The following DLC1 variants were observed in gnomAD, a reference collection of about 807,000 sequenced individuals.
DLC1 encodes the protein rho GTPase-activating protein 7.
A neutral mutation model predicts 140.3 loss-of-function variants in DLC1; 54 were observed. The ratio of observed to expected loss-of-function variants is 0.38; its 90% CI spans 0.31 to 0.48. The LOEUF (loss-of-function observed/expected upper bound fraction) is 0.48. DLC1 is among the 20% of genes least tolerant of loss of function. DLC1 has a pLI of 0.96. For synonymous variants in DLC1, 986 were observed against 728.1 expected, an observed-to-expected ratio of 1.35 and a Z score of -5.70; for missense variants, 2,536 against 1,907.0, an observed-to-expected ratio of 1.33 and a Z score of -6.14.
chr8:13,580,852 C>T (rs1265100521), intron 1 of DLC1, among the ~76,000 whole-genome samples: 1 of 152,098 alleles, frequency 6.6e-6, no homozygotes, highest in Non-Finnish European at 1.5e-5. Context: ...AGCGGGACAG[C>T]CTCTAAAAAT....
chr8:13,466,451 G>T (rs975573354), intron 2 of DLC1, among the ~76,000 whole-genome samples: 8 of 152,270 alleles, frequency 5.3e-5, no homozygotes, highest in African/African-American at 1.9e-4. Context: ...CTACAGAGTC[G>T]CTATCTTGGT....
chr8:13,224,634 G>T (rs1296580088), intron 5 of DLC1, among the ~76,000 whole-genome samples: 1 of 152,206 alleles, frequency 6.6e-6, no homozygotes, highest in Non-Finnish European at 1.5e-5. Flanking sequence ...GGAAGGTTCT[G>T]CTTTGTTTTT....
chr8:13,541,340 T>A (rs1180917740), intron 1 of DLC1, among the ~76,000 whole-genome samples: 1 of 151,486 alleles, frequency 6.6e-6, no homozygotes, highest in African/African-American at 2.5e-5. Flanking sequence ...CCAGGTTATA[T>A]GATAAGTGCA....
chr8:13,603,802 C>T lies in DLC1; in HGVS notation c.-126+735G>A, dbSNP rs549809116. Among the ~76,000 whole-genome samples the T allele has an allele frequency of 1.9e-4, 29 of 152,142 alleles. No homozygotes were observed. In the South Asian group the frequency reaches 6.0e-3, roughly 32 times the overall value. Reference sequence around the variant, plus strand: ...ATGGTATCTGTTCATTCAATTAACTCCCAACCTCAAAGGCAACCGATCATT... The same window carrying T: ...ATGGTATCTGTTCATTCAATTAACTTCCAACCTCAAAGGCAACCGATCATT... On this transcript the variant is annotated intron_variant, in intron 1 of 1. Coordinates refer to the DLC1 transcript ENST00000631382.
At chr8:13,182,880 A>T (rs949296271) in intron 5 of DLC1, among the ~76,000 whole-genome samples, 2 of 152,142 alleles carry the variant, frequency 1.3e-5, no homozygotes, top group Non-Finnish European at 2.9e-5. Context: ...CTTGATGGGG[A>T]TGCCATTGAA....
At chr8:13,544,752 C>G (rs983683376) in intron 1 of DLC1, among the ~76,000 whole-genome samples, 2 of 152,186 alleles carry the variant, frequency 1.3e-5, no homozygotes, top group African/African-American at 4.8e-5. Context: ...CCATTTTACA[C>G]AACTGTCCAT....
intron 1 of DLC1, among the ~76,000 whole-genome samples, chr8:13,547,946 C>G (rs538106693): frequency 6.6e-6 from 1 of 152,056 alleles, no homozygotes; most frequent in Non-Finnish European, 1.5e-5. Flanking sequence ...AAATTCTGTT[C>G]AAGTTTAACA....
rs1358960482 is a variant in DLC1 at position 13,100,649 on chromosome 8, A to T, written c.1688T>A (p.Val563Asp). ...GTGGGAGTCGTCTGGGGACCCAGGG[A>T]CCAGGTCTTGTTTTGGAGAAAAGAC... ...FDVFSPKQDL[V>D]PGSPDDSHPK... Residue 563 changes from valine (V) to aspartate (D), a missense_variant, in exon 9 of 18, where the codon GTC becomes GAC. Coordinates refer to ENST00000276297, the MANE Select transcript of DLC1 (RefSeq NM_182643.3). 1 of 1,614,090 alleles carries T rather than the reference A, an allele frequency of 6.2e-7. No individual in the cohort carries two copies. Among genetic ancestry groups the T allele is most frequent in the Non-Finnish European group, 8.5e-7 (1 of 1,180,002 alleles).
intron 7 of DLC1, among the ~76,000 whole-genome samples, chr8:13,104,314 T>C (rs554929361): frequency 7.1e-6 from 1 of 141,042 alleles, no homozygotes; most frequent in East Asian, 2.1e-4. Flanking sequence ...AATTTAAAAT[T>C]AGGGAAATTT....
intron 5 of DLC1, among the ~76,000 whole-genome samples, chr8:13,198,721 C>CT (rs56695508): frequency 0.032 from 4,481 of 141,136 alleles, 118 homozygotes; most frequent in African/African-American, 0.071. Context: ...CTTGGCATGG[C>CT]TTTTTTTTTT....
At chr8:13,523,234 T>C (rs953630541) in intron 1 of DLC1, among the ~76,000 whole-genome samples, 6 of 152,168 alleles carry the variant, frequency 3.9e-5, no homozygotes, top group Non-Finnish European at 7.4e-5. Flanking sequence ...GTGAAGGTAA[T>C]GAGAAATATC....
Position 13,092,106 on chromosome 8 carries a change from G to A in DLC1, c.3740+506C>T, listed in dbSNP as rs185464185. Among the ~76,000 whole-genome samples the A allele has an allele frequency of 2.2e-3, 340 of 152,240 alleles. 1 individual carries two copies. Among genetic ancestry groups the A allele is most frequent in the African/African-American group, 7.4e-3 (307 of 41,542 alleles). On this transcript the variant is annotated intron_variant, in intron 13 of 17. Transcript: ENST00000276297. ...CTAAAAATATAAAAATTAGCTGGGC[G>A]TGGTGGCAGGCACCTATAGTCCCAG...
intron 5 of DLC1, among the ~76,000 whole-genome samples, chr8:13,294,743 T>C (rs1416363727): frequency 1.3e-5 from 2 of 152,148 alleles, no homozygotes; most frequent in African/African-American, 2.4e-5. Flanking sequence ...CCACTACATA[T>C]AGCATAGCGG....
At chr8:13,554,246 T>C (rs2117364817) in intron 1 of DLC1, among the ~76,000 whole-genome samples, 1 of 152,294 alleles carries the variant, frequency 6.6e-6, no homozygotes, top group East Asian at 1.9e-4. Context: ...TTTGTACTTT[T>C]AGTAGAGATG....
intron 5 of DLC1, among the ~76,000 whole-genome samples, chr8:13,212,854 G>T (rs759105627): frequency 2.6e-5 from 4 of 152,052 alleles, no homozygotes; most frequent in African/African-American, 7.2e-5. Flanking sequence ...AATGTTTTCC[G>T]TTTGACTAAA....
intron 4 of DLC1, among the ~76,000 whole-genome samples, chr8:13,386,516 C>G (rs1210886999): frequency 6.6e-6 from 1 of 152,012 alleles, no homozygotes; most frequent in African/African-American, 2.4e-5. Context: ...TGGAATAACC[C>G]ATCACAGACA....
intron 5 of DLC1, among the ~76,000 whole-genome samples, chr8:13,118,119 C>G (rs1820734437): frequency 6.6e-6 from 1 of 151,324 alleles, no homozygotes; most frequent in Middle Eastern, 3.4e-3. Context: ...AAATGATCCT[C>G]CCACCTCCGC....
intron 1 of DLC1, among the ~76,000 whole-genome samples, chr8:13,541,120 G>A (rs1563429424): frequency 6.6e-6 from 1 of 152,138 alleles, no homozygotes; most frequent in Non-Finnish European, 1.5e-5. Context: ...CCAGATCATT[G>A]TGCATGGAAG....
At position 13,453,552 on chromosome 8, in the gene DLC1, ATATATTTTTT is replaced by A. The variant is rs1322861882; in HGVS notation, c.1023+45487_1023+45496del. The stretch of plus-strand genomic sequence containing the variant: ...TGTATATATATACATATATATATAT[ATATATTTTTT>A]TTTTTTTTTTTTCAGATAGAAATGT... On this transcript the variant is annotated intron_variant, in intron 2 of 17. Coordinates refer to ENST00000276297, the MANE Select transcript of DLC1 (RefSeq NM_182643.3). 4.5e-4 allele frequency among the ~76,000 whole-genome samples: 34 copies of A among 75,780 alleles called. 3 individuals are homozygous for A. The highest frequency in any genetic ancestry group is 2.1e-3 in the Admixed American group (12 of 5,820). 49.7% of individuals were successfully genotyped at this position (75,780 alleles called of 152,430 possible).
Sources: gnomAD v4.1 joint callset for allele counts (sites outside exome capture counted in the v4.1 genomes callset) on GRCh38, gnomAD v4.1.1 for gene constraint, MANE v1.5 for transcripts, NCBI Gene and HGNC (gene_info 2026-07-23, HGNC 2026-07-21) for gene names.